ARHGAP35: variants seen among roughly 807,000 people sequenced by gnomAD.
ARHGAP35 encodes Rho GTPase activating protein 35, also known as rho GTPase-activating protein 35.
A neutral mutation model predicts 111.1 loss-of-function variants in ARHGAP35; 15 were observed. The ratio of observed to expected loss-of-function variants is 0.13; its 90% confidence interval spans 0.09 to 0.21. The LOEUF is 0.21. Among genes scored for constraint, ARHGAP35 ranks in the 10% least tolerant of loss-of-function variants. The probability of loss-of-function intolerance (pLI) is 1.00; values close to 1 mark genes in which losing one functional copy is unlikely to be tolerated. For missense variants in ARHGAP35, 1,262 were observed against 1,873.0 expected, an observed-to-expected ratio of 0.67 and a Z score of 6.02; for synonymous variants, 643 against 710.3, an observed-to-expected ratio of 0.91 and a Z score of 1.51.
At chr19:46,872,901 T>G (rs969525583) in intron 1 of ARHGAP35, among the ~76,000 whole-genome samples, 4 of 151,808 alleles carry the variant, frequency 2.6e-5, no homozygotes, top group Non-Finnish European at 5.9e-5. Context: ...AAAAATTAAT[T>G]ACTAATAATA....
chr19:46,971,625 G>C (rs1043012927), intron 3 of ARHGAP35, among the ~76,000 whole-genome samples: 1 of 151,256 alleles, frequency 6.6e-6, no homozygotes. Context: ...TCAGCCTCCT[G>C]AGCAGCTGGG....
chr19:46,954,805 A>G (rs563863736), intron 3 of ARHGAP35, among the ~76,000 whole-genome samples: 4 of 152,392 alleles, frequency 2.6e-5, no homozygotes, highest in African/African-American at 7.2e-5. Flanking sequence ...AAAGCTCCTG[A>G]TAACTGAAAC....
intron 3 of ARHGAP35, among the ~76,000 whole-genome samples, chr19:46,979,012 TGTGTGGTGGGGCAG>T (rs2056604403): frequency 1.1e-5 from 1 of 91,200 alleles, no homozygotes; most frequent in Admixed American, 1.5e-4. Context: ...CGTGTGTGTG[TGTGTGGTGGGGCAG>T]GTGTGGGGGG....
chr19:46,927,262 G>C (rs1473286112), intron 2 of ARHGAP35, among the ~76,000 whole-genome samples: 2 of 152,356 alleles, frequency 1.3e-5, no homozygotes, highest in African/African-American at 4.8e-5. Flanking sequence ...TGTGTTGGGT[G>C]CCCTAGGTGT....
chr19:46,888,261 A>AATATATATAT (rs1175667788), intron 1 of ARHGAP35, among the ~76,000 whole-genome samples: 2 of 18,998 alleles, frequency 1.1e-4, no homozygotes, highest in Admixed American at 8.9e-4. Context: ...CTCAATCAAT[A>AATATATATAT]ATATATATAT....
chr19:46,878,757 C>T (rs959931820), intron 1 of ARHGAP35, among the ~76,000 whole-genome samples: 14 of 152,172 alleles, frequency 9.2e-5, no homozygotes, highest in African/African-American at 3.4e-4. Context: ...TCTCTGGACT[C>T]AGCCTCCTGT....
intron 1 of ARHGAP35, among the ~76,000 whole-genome samples, chr19:46,867,123 A>G (rs2055862047): frequency 6.6e-6 from 1 of 152,248 alleles, no homozygotes; most frequent in Admixed American, 6.5e-5. Context: ...GAGAAATGCC[A>G]TTAAGTTGAT....
At chr19:46,904,446 A>G (rs1338171995) in intron 1 of ARHGAP35, among the ~76,000 whole-genome samples, 1 of 152,156 alleles carries the variant, frequency 6.6e-6, no homozygotes, top group African/African-American at 2.4e-5. Flanking sequence ...TCTGTCAGCG[A>G]GACACAGGGT....
At chr19:46,981,120 G>A (rs962736063) in intron 3 of ARHGAP35, among the ~76,000 whole-genome samples, 6 of 152,162 alleles carry the variant, frequency 3.9e-5, no homozygotes, top group Non-Finnish European at 5.9e-5. Flanking sequence ...CACAGAGGTC[G>A]GTCCTCTTCA....
Position 46,920,224 on chromosome 19 carries a change from A to T in ARHGAP35, c.1549A>T (p.Met517Leu). 6.2e-7 allele frequency: 1 copy of T among 1,613,992 alleles called. No homozygotes were observed. Among genetic ancestry groups the T allele is most frequent in the Non-Finnish European group, 8.5e-7 (1 of 1,179,870 alleles). ...ELDAKPSKEK[M>L]GVIQDVLGEE... is the part of the protein sequence containing the mutation. The stretch of plus-strand genomic sequence containing the variant: ...GGATGCTAAGCCCAGCAAGGAGAAG[A>T]TGGGTGTTATTCAGGATGTTCTGGG... Residue 517 changes from methionine (M) to leucine (L), a missense_variant, in exon 2 of 7, where the codon ATG becomes TTG. Physicochemically the swap from Met to Leu is conservative, Grantham distance 15. Transcript: ENST00000672722. The surrounding 1 kb of genome is among the most constrained non-coding windows in gnomAD (Gnocchi z 7.0).
At chr19:46,968,284 A>G (rs1457510425) in intron 3 of ARHGAP35, among the ~76,000 whole-genome samples, 1 of 152,248 alleles carries the variant, frequency 6.6e-6, no homozygotes, top group African/African-American at 2.4e-5. Context: ...GTAGGGGCAC[A>G]GCATGTGTGT....
At chr19:46,887,902 G>C (rs1305566542) in intron 1 of ARHGAP35, among the ~76,000 whole-genome samples, 1 of 151,160 alleles carries the variant, frequency 6.6e-6, no homozygotes, top group East Asian at 1.9e-4. Context: ...TGTCTTGTCT[G>C]AGTTTGCCTG....
intron 1 of ARHGAP35, among the ~76,000 whole-genome samples, 169 bp downstream of exon 1, chr19:46,861,378 G>T (rs1223941819): frequency 6.2e-5 from 7 of 112,700 alleles, no homozygotes; most frequent in Non-Finnish European, 5.3e-5. Context: ...CGCCGTCCCC[G>T]TCGCTTCGCG....
chr19:46,973,358 C>T (rs547544827), intron 3 of ARHGAP35, among the ~76,000 whole-genome samples: 29 of 151,238 alleles, frequency 1.9e-4, no homozygotes, highest in African/African-American at 6.3e-4. Flanking sequence ...AGCGAGACTC[C>T]GTCTCAAAAA....
intron 1 of ARHGAP35, among the ~76,000 whole-genome samples, chr19:46,869,549 C>CTT (rs1219612346): frequency 6.6e-6 from 1 of 151,088 alleles, no homozygotes; most frequent in Non-Finnish European, 1.5e-5. Flanking sequence ...TTGCATTGTG[C>CTT]TTTTCCCCCA....
chr19:46,886,547 T>C (rs1003889381), intron 1 of ARHGAP35, among the ~76,000 whole-genome samples: 1 of 152,168 alleles, frequency 6.6e-6, no homozygotes, highest in Non-Finnish European at 1.5e-5. Flanking sequence ...ATAGTTGTAT[T>C]TTTTAACTGT....
At chr19:46,940,171 C>A (rs1165364461) in intron 3 of ARHGAP35, among the ~76,000 whole-genome samples, 3 of 151,956 alleles carry the variant, frequency 2.0e-5, no homozygotes, top group Non-Finnish European at 2.9e-5. Context: ...ACCAGCCTGA[C>A]CAACATGGAG....
chr19:46,953,079 A>G (rs959349177), intron 3 of ARHGAP35, among the ~76,000 whole-genome samples: 6 of 152,158 alleles, frequency 3.9e-5, no homozygotes, highest in Admixed American at 3.9e-4. Flanking sequence ...CATATTCAGC[A>G]AGTATATATT....
chr19:46,996,669 C>CTG (rs1222082555), intron 5 of ARHGAP35, among the ~76,000 whole-genome samples: 2 of 152,166 alleles, frequency 1.3e-5, no homozygotes, highest in Admixed American at 1.3e-4. Flanking sequence ...ACGGAGAGAC[C>CTG]TGTGTCCTCC....
Sources: gnomAD v4.1 joint callset for allele counts (sites outside exome capture counted in the v4.1 genomes callset) on GRCh38, gnomAD v4.1.1 for gene constraint, Gnocchi (gnomAD v3.1) non-coding constraint, MANE v1.5 for transcripts, NCBI Gene and HGNC (gene_info 2026-07-23, HGNC 2026-07-21) for gene names.